DISP2: variants seen among roughly 807,000 people sequenced by gnomAD.
DISP2 encodes dispatched RND transporter family member 2, also known as protein dispatched homolog 2.
DISP2 carries 59 observed loss-of-function variants against 95.5 expected under a neutral mutation model. That is an observed-to-expected ratio of 0.62 (90% CI 0.50 to 0.77). The LOEUF is 0.77. Ranked by LOEUF, DISP2 falls within the 30% of genes least tolerant of loss-of-function variation. The pLI, the probability that DISP2 is intolerant of heterozygous loss-of-function variation, is 0.00. For missense variants in DISP2, 1,752 were observed against 1,854.6 expected (o/e 0.94, Z 1.02); for synonymous variants, 827 against 815.0 (o/e 1.01, Z -0.25).
Position 40,367,673 on chromosome 15 carries a change from C to T in DISP2, c.1561C>T (p.Leu521=). The T allele has an allele frequency of 6.2e-7, 1 of 1,614,034 alleles. No homozygotes were observed. Among genetic ancestry groups the T allele is most frequent in the Non-Finnish European group, 8.5e-7 (1 of 1,180,030 alleles). The change falls in exon 8 of 8, where the codon CTG becomes TTG. Residue 521 remains leucine (L), a synonymous_variant. Coordinates refer to ENST00000267889, the MANE Select transcript of DISP2 (RefSeq NM_033510.3). ...FLTLMVLLGV[L]GSLLVAFFLY... ...CACGCTCATGGTGCTGCTGGGGGTG[C>T]TGGGCTCACTGCTGGTGGCCTTCTT...
rs975742706 is a variant in DISP2 at position 40,368,202 on chromosome 15, G to A, written c.2090G>A (p.Cys697Tyr). The A allele has an allele frequency of 1.2e-6, 2 of 1,608,202 alleles. No homozygotes were observed. The highest frequency in any genetic ancestry group is 1.3e-5 in the African/African-American group (1 of 74,768). Residue 697 changes from cysteine to tyrosine, a missense_variant, in exon 8 of 8, where the codon TGC becomes TAC. Cys to Tyr is a radical substitution (Grantham distance 194). Around this residue, in one of 5 missense-constraint regions of DISP2, gnomAD observed 732 missense variants for 714.6 expected, o/e 1.02. Transcript: ENST00000267889. ...SRLLFQRLLP[C>Y]GVIKFRYIWI... ...CTGCTCTTCCAGCGCCTGCTGCCCTGCGGCGTCATCAAGTTCCGCTACATC... is the reference window on the plus strand; with the variant it reads ...CTGCTCTTCCAGCGCCTGCTGCCCTACGGCGTCATCAAGTTCCGCTACATC...
chr15:40,359,661 C>T (rs1382999075), intron 1 of DISP2, among the ~76,000 whole-genome samples: 1 of 152,242 alleles, frequency 6.6e-6, no homozygotes, highest in Non-Finnish European at 1.5e-5. Flanking sequence ...TTCCCCTGGG[C>T]ACAGGATCCA....
rs1299004162 is a variant in DISP2 at position 40,364,486 on chromosome 15, T to C, written c.545T>C (p.Leu182Pro). ...VLMLCLAVIF[L>P]CTLAGLLGAR... ...ATGCTGTGTCTGGCTGTCATCTTCC[T>C]CTGCACCCTGGCTGGACTGTTGGGG... is the stretch of plus-strand genomic sequence containing the variant. The change falls in exon 4 of 8, where the codon CTC (leucine) becomes CCC (proline). Residue 182 changes from leucine to proline, a missense_variant. Transcript: ENST00000267889. The C allele has an allele frequency of 1.9e-6, 3 of 1,613,958 alleles. No homozygotes were observed. The African/African-American group carries it at 4.0e-5, about 22-fold the overall frequency.
intron 1 of DISP2, among the ~76,000 whole-genome samples, chr15:40,361,735 G>A (rs1011308816): frequency 3.6e-4 from 55 of 152,250 alleles, no homozygotes; most frequent in Admixed American, 3.4e-3. Context: ...CAGCCTCTGT[G>A]GGCAATGCCC....
At chr15:40,365,590 C>G in intron 6 of DISP2, 38 bp from the exon 7 acceptor site, 1 of 1,610,252 alleles carries the variant, frequency 6.2e-7, no homozygotes, top group Admixed American at 1.7e-5. Context: ...GACCTGGGGC[C>G]AAAGGACTGA....
rs774758324 is a variant in DISP2 at position 40,369,335 on chromosome 15, G to A, written c.3223G>A (p.Val1075Met). The A allele has an allele frequency of 1.1e-5, 17 of 1,613,182 alleles. 1 individual carries two copies. Among genetic ancestry groups the A allele is most frequent in the South Asian group, 6.6e-5 (6 of 91,080 alleles). The change falls in exon 8 of 8, where the codon GTG (valine) becomes ATG (methionine). Residue 1075 changes from valine (V) to methionine (M), a missense_variant. By Grantham distance (21) the Val-to-Met change is conservative. Around this residue, in one of 5 missense-constraint regions of DISP2, gnomAD observed 317 missense variants for 394.9 expected, o/e 0.80. Coordinates refer to ENST00000267889, the MANE Select transcript of DISP2 (RefSeq NM_033510.3). ...VGAAALFAAG[V>M]LMLPATVLLY... ...GGCTGCAGCCCTGTTTGCGGCAGGCGTGCTCATGCTGCCTGCCACAGTGCT... is the reference window on the plus strand; with the variant it reads ...GGCTGCAGCCCTGTTTGCGGCAGGCATGCTCATGCTGCCTGCCACAGTGCT...
At chr15:40,365,089 C>T in intron 5 of DISP2, 58 bp from the exon 6 acceptor site, 1 of 1,594,838 alleles carries the variant, frequency 6.3e-7, no homozygotes, top group Non-Finnish European at 8.5e-7. Flanking sequence ...TGGTCTCTGG[C>T]CTCCTCTGAG....
In DISP2 at chr15:40,375,288, G is replaced by C. The variant is rs552816208; in HGVS notation, c.*4970G>C. The stretch of plus-strand genomic sequence containing the variant: ...ATTACTCACATTTTTCTCAATATAG[G>C]GGAAAGATCAGCATTTTACCAAATC... On this transcript the variant is annotated 3_prime_UTR_variant, in exon 8 of 8. Coordinates refer to ENST00000267889, the MANE Select transcript of DISP2 (RefSeq NM_033510.3). 3 of 152,184 alleles carry C rather than the reference G, an allele frequency of 2.0e-5. No homozygotes were observed. Among genetic ancestry groups the C allele is most frequent in the South Asian group, 2.1e-4 (1 of 4,820 alleles). 9.4% of individuals were successfully genotyped at this position (152,184 alleles called of 1,614,324 possible).
Position 40,367,364 on chromosome 15 carries a change from A to G in DISP2, c.1252A>G (p.Arg418Gly), listed in dbSNP as rs1889515974. Residue 418 changes from arginine (R) to glycine (G), a missense_variant, in exon 8 of 8, where the codon AGG becomes GGG. This residue lies in a region of DISP2 where 732 missense variants were observed against 714.6 expected (regional missense o/e 1.02). Coordinates refer to ENST00000267889, the MANE Select transcript of DISP2 (RefSeq NM_033510.3). The stretch of plus-strand genomic sequence containing the variant: ...CCAACTCCTGCACTTTCTGCTTGAC[A>G]GGGACTTTCTGAGTCCCCAGACCAC... ...IYQLLHFLLDRDFLSPQTTDY... is the reference protein window; with the variant it reads ...IYQLLHFLLDGDFLSPQTTDY... The G allele has an allele frequency of 6.2e-7, 1 of 1,613,392 alleles. No homozygotes were observed. The highest frequency in any genetic ancestry group is 8.5e-7 in the Non-Finnish European group (1 of 1,179,898).
At chr15:40,366,958 C>T in intron 7 of DISP2, 100 bp from the exon 8 acceptor site, 1 of 1,469,752 alleles carries the variant, frequency 6.8e-7, no homozygotes, top group East Asian at 2.3e-5. Flanking sequence ...CTGCGCTTGC[C>T]CTGTAGTGTG....
chr15:40,372,802 C>T lies in DISP2; in HGVS notation c.*2484C>T, dbSNP rs770341232. The stretch of plus-strand genomic sequence containing the variant: ...CAGAAGACACTTTGCCTGAACATAA[C>T]CACTGAAATGTTAGAATGCAGAGGG... On this transcript the variant is annotated 3_prime_UTR_variant, in exon 8 of 8. Transcript: ENST00000267889. 6.6e-6 allele frequency: 1 copy of T among 152,212 alleles called. No homozygotes were observed. The highest frequency in any genetic ancestry group is 2.4e-5 in the African/African-American group (1 of 41,422). 9.4% of individuals were successfully genotyped at this position (152,212 alleles called of 1,614,324 possible).
chr15:40,367,519 C>A lies in DISP2; in HGVS notation c.1407C>A (p.Val469=). Residue 469 remains valine, a synonymous_variant, in exon 8 of 8, where the codon GTC becomes GTA. Coordinates refer to ENST00000267889, the MANE Select transcript of DISP2 (RefSeq NM_033510.3). ...GGCTTGCTGACAACTACACCTCTGTCACTGGCATGGACCTGGGCCTCAAGC... is the reference window on the plus strand; with the variant it reads ...GGCTTGCTGACAACTACACCTCTGTAACTGGCATGGACCTGGGCCTCAAGC... ...PWGLADNYTS[V]TGMDLGLKQE... The A allele has an allele frequency of 6.2e-7, 1 of 1,613,812 alleles. No individual in the cohort carries two copies.
Position 40,374,433 on chromosome 15 carries a change from A to C in DISP2, c.*4115A>C, listed in dbSNP as rs1889700484. 6.7e-6 allele frequency: 1 copy of C among 150,072 alleles called. No individual in the cohort carries two copies. The highest frequency in any genetic ancestry group is 2.5e-5 in the African/African-American group (1 of 40,772). 9.3% of individuals were successfully genotyped at this position (150,072 alleles called of 1,614,324 possible). A position where few individuals can be genotyped will look rare whatever the true frequency, so the allele number is the denominator to read the frequency against. ...GCATGAGCCACCGCGCCTGGCCGAG[A>C]CAATTTTTAAAAAGACATTTCTCAA... is the stretch of plus-strand genomic sequence containing the variant. On this transcript the variant is annotated 3_prime_UTR_variant, in exon 8 of 8. Coordinates refer to ENST00000267889, the MANE Select transcript of DISP2 (RefSeq NM_033510.3).
At chr15:40,367,022 G>T (rs1889507104) in intron 7 of DISP2, 36 bp from the exon 8 acceptor site, 2 of 1,598,212 alleles carry the variant, frequency 1.3e-6, no homozygotes, top group Non-Finnish European at 1.7e-6. Flanking sequence ...CCCTTGGGCT[G>T]CCCCTGAACT....
intron 1 of DISP2, 28 bp downstream of exon 1, chr15:40,358,468 A>ATCACAGACCC (rs1254988334): frequency 3.2e-6 from 4 of 1,251,268 alleles, no homozygotes; most frequent in African/African-American, 1.6e-5. Flanking sequence ...GCAGATCCGT[A>ATCACAGACCC]TCACAGACCC....
Position 40,367,986 on chromosome 15 carries a change from C to T in DISP2, c.1874C>T (p.Ala625Val). ...TGCCTCGCCCTCTTCATGGGCACGGCTGTGCTGGTGCACCTGGCGCTCACG... is the reference window on the plus strand; with the variant it reads ...TGCCTCGCCCTCTTCATGGGCACGGTTGTGCTGGTGCACCTGGCGCTCACG... ...VRCLALFMGT[A>V]VLVHLALTLV... is the part of the protein sequence containing the mutation. The change falls in exon 8 of 8, where the codon GCT becomes GTT. Residue 625 changes from alanine (A) to valine (V), a missense_variant. By Grantham distance (64) the Ala-to-Val change is moderately conservative (BLOSUM62 0). Around this residue, in one of 5 missense-constraint regions of DISP2, gnomAD observed 732 missense variants for 714.6 expected, o/e 1.02. Transcript: ENST00000267889. 3 of 1,551,520 alleles carry T rather than the reference C, an allele frequency of 1.9e-6. No homozygotes were observed. The highest frequency in any genetic ancestry group is 2.6e-6 in the Non-Finnish European group (3 of 1,155,896).
intron 7 of DISP2, 60 bp downstream of exon 7, chr15:40,365,785 T>C: frequency 1.3e-6 from 2 of 1,539,770 alleles, no homozygotes; most frequent in South Asian, 2.2e-5. Context: ...AGGGAACTGA[T>C]CCCAAGGAAA....
At position 40,369,762 on chromosome 15, in the gene DISP2, T is replaced by C; in HGVS notation, c.3650T>C (p.Leu1217Pro). The change falls in exon 8 of 8, where the codon CTG (leucine) becomes CCG (proline). Residue 1217 changes from leucine (L) to proline (P), a missense_variant. This residue lies in a region of DISP2 where 347 missense variants were observed against 344.2 expected (regional missense o/e 1.01). Coordinates refer to ENST00000267889, the MANE Select transcript of DISP2 (RefSeq NM_033510.3). ...CCAGCCCCTGCCTCCCCAAGGGAGC[T>C]GCTGCTGGACCACCAGGCAGTCTTC... The part of the protein sequence containing the change: ...PPPAPASPRE[L>P]LLDHQAVFSQ... 1 of 1,606,664 alleles carries C rather than the reference T, an allele frequency of 6.2e-7. No individual in the cohort carries two copies. Among genetic ancestry groups the C allele is most frequent in the Non-Finnish European group, 8.5e-7 (1 of 1,177,220 alleles).
intron 1 of DISP2, among the ~76,000 whole-genome samples, chr15:40,361,629 T>G (rs374037866): frequency 3.3e-5 from 5 of 152,320 alleles, no homozygotes; most frequent in African/African-American, 1.2e-4. Flanking sequence ...GGTCATTCTC[T>G]CCTGTACTGC....
Sources: allele counts gnomAD v4.1 joint callset (sites outside exome capture counted in the v4.1 genomes callset), GRCh38; gene constraint gnomAD v4.1.1; regional missense constraint gnomAD v4.1.1; transcripts MANE v1.5; gene names NCBI Gene and HGNC (gene_info 2026-07-23, HGNC 2026-07-21).